SPOCK3: variants seen among roughly 807,000 people sequenced by gnomAD.
SPOCK3 encodes the protein SPARC (osteonectin), cwcv and kazal like domains proteoglycan 3.
A neutral mutation model predicts 56.6 loss-of-function variants in SPOCK3; 30 were observed. The ratio of observed to expected loss-of-function variants is 0.53; its 90% CI spans 0.40 to 0.72. SPOCK3 has a LOEUF of 0.72. SPOCK3 is among the 30% of genes least tolerant of loss of function. SPOCK3 has a pLI of 0.00. For synonymous variants in SPOCK3, 196 were observed against 183.3 expected (o/e 1.07, Z -0.56); for missense variants, 527 against 530.0 (o/e 0.99, Z 0.06).
intron 2 of SPOCK3, among the ~76,000 whole-genome samples, chr4:167,097,673 T>C (rs1180791652): frequency 6.6e-6 from 1 of 151,940 alleles, no homozygotes; most frequent in Non-Finnish European, 1.5e-5. Flanking sequence ...AGTGAGCCTA[T>C]TGACCCAGAA....
intron 4 of SPOCK3, among the ~76,000 whole-genome samples, chr4:166,963,503 G>T (rs189353054): frequency 6.6e-6 from 1 of 151,740 alleles, no homozygotes; most frequent in East Asian, 1.9e-4. Flanking sequence ...TGTTAGCACC[G>T]TAACACTAAG....
intron 3 of SPOCK3, among the ~76,000 whole-genome samples, chr4:167,043,368 T>C (rs1753403783): frequency 6.6e-6 from 1 of 152,068 alleles, no homozygotes; most frequent in Admixed American, 6.6e-5. Flanking sequence ...GAGGTTTTGT[T>C]TTAGGATTTT....
intron 4 of SPOCK3, among the ~76,000 whole-genome samples, chr4:166,951,624 A>T (rs910431748): frequency 1.5e-5 from 2 of 134,200 alleles, no homozygotes; most frequent in African/African-American, 6.3e-5. Context: ...GCAGAGACAC[A>T]ACCAAAAAAG....
intron 2 of SPOCK3, among the ~76,000 whole-genome samples, chr4:167,219,809 C>A (rs1273643565): frequency 6.6e-6 from 1 of 151,998 alleles, no homozygotes; most frequent in Non-Finnish European, 1.5e-5. Flanking sequence ...TTTATATTTT[C>A]TTCAGTGTAG....
At chr4:166,910,838 T>A (rs976937631) in intron 5 of SPOCK3, among the ~76,000 whole-genome samples, 1 of 152,138 alleles carries the variant, frequency 6.6e-6, no homozygotes, top group Non-Finnish European at 1.5e-5. Context: ...AACTTTCCAA[T>A]CTCTCTACCA....
At chr4:166,954,340 C>T (rs1020401523) in intron 4 of SPOCK3, among the ~76,000 whole-genome samples, 1 of 152,006 alleles carries the variant, frequency 6.6e-6, no homozygotes, top group Non-Finnish European at 1.5e-5. Context: ...GCTTTGTTGC[C>T]CATGCTTTTG....
intron 6 of SPOCK3, among the ~76,000 whole-genome samples, chr4:166,852,133 T>C (rs1730181430): frequency 6.6e-6 from 1 of 150,918 alleles, no homozygotes; most frequent in African/African-American, 2.4e-5. Flanking sequence ...AACATCACAC[T>C]CTGGGAACTG....
At chr4:167,028,818 C>T (rs1040996843) in intron 3 of SPOCK3, among the ~76,000 whole-genome samples, 10 of 151,992 alleles carry the variant, frequency 6.6e-5, no homozygotes, top group Non-Finnish European at 1.3e-4. Context: ...GGTAACATAT[C>T]ACACTTCATA....
intron 6 of SPOCK3, among the ~76,000 whole-genome samples, chr4:166,804,209 G>C (rs774588917): frequency 6.6e-6 from 1 of 152,116 alleles, no homozygotes; most frequent in Non-Finnish European, 1.5e-5. Flanking sequence ...CACAGGCTGG[G>C]TGAAAGATAA....
At chr4:166,750,653 T>C (rs1265511489) in intron 8 of SPOCK3, among the ~76,000 whole-genome samples, 2 of 152,106 alleles carry the variant, frequency 1.3e-5, no homozygotes, top group African/African-American at 2.4e-5. Context: ...AACCCCTACA[T>C]TGGAGTCATT....
intron 2 of SPOCK3, among the ~76,000 whole-genome samples, chr4:167,150,643 G>T (rs1764335006): frequency 6.6e-6 from 1 of 152,154 alleles, no homozygotes; most frequent in African/African-American, 2.4e-5. Context: ...CACTATAGTG[G>T]TATGTGTGTA....
At chr4:166,976,113 CCACA>C (rs140466406) in intron 4 of SPOCK3, among the ~76,000 whole-genome samples, 5 of 150,102 alleles carry the variant, frequency 3.3e-5, no homozygotes. Context: ...TCTCCACCCA[CCACA>C]CACACACACA....
chr4:166,812,213 C>G (rs1743904045), intron 6 of SPOCK3, among the ~76,000 whole-genome samples: 1 of 151,814 alleles, frequency 6.6e-6, no homozygotes, highest in Non-Finnish European at 1.5e-5. Flanking sequence ...TAGTAATGCA[C>G]AAAATTAATC....
intron 2 of SPOCK3, among the ~76,000 whole-genome samples, chr4:167,202,602 C>T (rs1373286839): frequency 1.3e-5 from 2 of 151,822 alleles, no homozygotes; most frequent in Non-Finnish European, 2.9e-5. Context: ...TTATAATTCT[C>T]CCTCTGATTT....
intron 8 of SPOCK3, among the ~76,000 whole-genome samples, chr4:166,746,370 AC>A (rs1431246508): frequency 6.6e-6 from 1 of 152,228 alleles, no homozygotes; most frequent in African/African-American, 2.4e-5. Flanking sequence ...TGGAAACTGA[AC>A]AACCTGCTCC....
In SPOCK3 at chr4:167,105,379, A is replaced by G. The variant is rs146808901; in HGVS notation, c.190-42842T>C. ...ATGCAATCAGTGTTAAGTTGTTTTC[A>G]GTTTAAAATAATCATTTATAATATA... On this transcript the variant is annotated intron_variant, in intron 2 of 10. Transcript: ENST00000357545. Among the ~76,000 whole-genome samples the G allele has an allele frequency of 1.1e-3, 164 of 151,136 alleles. 4 individuals carry two copies. In the East Asian group the frequency reaches 0.03, roughly 28 times the overall value.
At chr4:166,963,251 G>C (rs1561061867) in intron 4 of SPOCK3, among the ~76,000 whole-genome samples, 1 of 151,880 alleles carries the variant, frequency 6.6e-6, no homozygotes, top group South Asian at 2.1e-4. Context: ...GCATCTTTTT[G>C]ATGTTTTTGA....
At chr4:167,086,804 C>T (rs909767414) in intron 2 of SPOCK3, among the ~76,000 whole-genome samples, 2 of 152,062 alleles carry the variant, frequency 1.3e-5, no homozygotes, top group African/African-American at 4.8e-5. Flanking sequence ...TTTATATAGC[C>T]TCTACAGCCT....
intron 6 of SPOCK3, among the ~76,000 whole-genome samples, chr4:166,838,778 AC>A (rs1383186913): frequency 2.1e-5 from 3 of 142,510 alleles, no homozygotes; most frequent in Non-Finnish European, 4.5e-5. Flanking sequence ...GTGAAACCCC[AC>A]CTCTAATAAT....
Sources: gnomAD v4.1 joint callset for allele counts (sites outside exome capture counted in the v4.1 genomes callset) on GRCh38, gnomAD v4.1.1 for gene constraint, MANE v1.5 for transcripts, NCBI Gene and HGNC (gene_info 2026-07-23, HGNC 2026-07-21) for gene names.